SGCZ: variants seen among roughly 807,000 people sequenced by gnomAD.
The protein encoded by SGCZ is sarcoglycan zeta.
A neutral mutation model predicts 41.3 loss-of-function variants in SGCZ; 40 were observed. That is an observed-to-expected ratio of 0.97 (90% CI 0.75 to 1.26). SGCZ has a LOEUF of 1.26. Ranked by LOEUF, SGCZ falls within the 50% of genes most tolerant of loss-of-function variation. The pLI is 0.00. For missense variants in SGCZ, 552 were observed against 369.8 expected (o/e 1.49, Z -4.04); for synonymous variants, 206 against 137.5 (o/e 1.50, Z -3.49).
chr8:14,743,678 C>T (rs940163721), intron 1 of SGCZ, among the ~76,000 whole-genome samples: 11 of 151,906 alleles, frequency 7.2e-5, no homozygotes, highest in Non-Finnish European at 1.5e-4. Context: ...TTTGCTCTCC[C>T]CCGCCCGACA....
intron 2 of SGCZ, among the ~76,000 whole-genome samples, chr8:14,393,128 C>T (rs1804836204): frequency 1.3e-5 from 2 of 151,974 alleles, no homozygotes; most frequent in Non-Finnish European, 2.9e-5. Flanking sequence ...TTCTGAAGTC[C>T]AATATGCTTG....
At chr8:14,896,938 G>C (rs1563346889) in intron 1 of SGCZ, among the ~76,000 whole-genome samples, 1 of 151,632 alleles carries the variant, frequency 6.6e-6, no homozygotes, top group African/African-American at 2.4e-5. Context: ...AGCGCCACCA[G>C]GCCCAACTAA....
At chr8:14,948,998 A>G (rs998800178) in intron 1 of SGCZ, among the ~76,000 whole-genome samples, 3 of 151,924 alleles carry the variant, frequency 2.0e-5, no homozygotes, top group Admixed American at 2.0e-4. Flanking sequence ...TGGTAAGTAC[A>G]GGCATATCCA....
intron 1 of SGCZ, among the ~76,000 whole-genome samples, chr8:14,932,425 A>G (rs1799945911): frequency 6.6e-6 from 1 of 152,036 alleles, no homozygotes; most frequent in Admixed American, 6.5e-5. Flanking sequence ...AGGATGCAAT[A>G]AAACTAATTT....
At chr8:14,337,027 A>G (rs1029272340) in intron 2 of SGCZ, among the ~76,000 whole-genome samples, 1 of 152,078 alleles carries the variant, frequency 6.6e-6, no homozygotes. Flanking sequence ...GGAAGGACCT[A>G]TTTTCCCAAT....
At chr8:14,363,675 T>G (rs1158081449) in intron 2 of SGCZ, among the ~76,000 whole-genome samples, 1 of 152,186 alleles carries the variant, frequency 6.6e-6, no homozygotes, top group South Asian at 2.1e-4. Flanking sequence ...TTTTATTCAG[T>G]TAACAGTTAT....
At chr8:14,884,560 A>C (rs1388992725) in intron 1 of SGCZ, among the ~76,000 whole-genome samples, 2 of 152,096 alleles carry the variant, frequency 1.3e-5, no homozygotes, top group Admixed American at 6.5e-5. Context: ...AGTTTCCTAC[A>C]AAGGAGAAAT....
At chr8:15,046,081 C>T (rs1237974703) in intron 1 of SGCZ, among the ~76,000 whole-genome samples, 1 of 151,986 alleles carries the variant, frequency 6.6e-6, no homozygotes, top group Non-Finnish European at 1.5e-5. Flanking sequence ...TGAAGAATTT[C>T]TATTTTGGCT....
intron 1 of SGCZ, among the ~76,000 whole-genome samples, chr8:15,103,139 G>A (rs1032554969): frequency 3.0e-4 from 46 of 152,016 alleles, no homozygotes; most frequent in Admixed American, 1.4e-3. Context: ...AGTGGCTCAA[G>A]GCTGTAATCC....
intron 2 of SGCZ, among the ~76,000 whole-genome samples, chr8:14,520,703 T>A (rs1235860654): frequency 6.6e-6 from 1 of 152,096 alleles, no homozygotes; most frequent in African/African-American, 2.4e-5. Flanking sequence ...GTATGCATAA[T>A]ACACTTTAGA....
At chr8:14,272,831 T>G (rs2117267491) in intron 3 of SGCZ, among the ~76,000 whole-genome samples, 1 of 152,326 alleles carries the variant, frequency 6.6e-6, no homozygotes, top group East Asian at 1.9e-4. Context: ...ATTTTACATT[T>G]GAATTGTTAT....
intron 1 of SGCZ, among the ~76,000 whole-genome samples, chr8:14,915,307 A>C (rs186327181): frequency 6.6e-6 from 1 of 152,204 alleles, no homozygotes; most frequent in Non-Finnish European, 1.5e-5. Flanking sequence ...CTCTAGAAAT[A>C]AAACCTAGTC....
At chr8:14,137,920 C>T (rs1179985414) in intron 5 of SGCZ, among the ~76,000 whole-genome samples, 1 of 152,266 alleles carries the variant, frequency 6.6e-6, no homozygotes, top group South Asian at 2.1e-4. Flanking sequence ...ATATTAAGGG[C>T]AGCCAGAGAG....
intron 2 of SGCZ, among the ~76,000 whole-genome samples, chr8:14,534,875 A>G (rs572746955): frequency 6.6e-6 from 1 of 152,144 alleles, no homozygotes; most frequent in African/African-American, 2.4e-5. Flanking sequence ...CATCTGATGA[A>G]TAAGCATAAG....
chr8:14,665,988 C>T (rs1300742746), intron 1 of SGCZ, among the ~76,000 whole-genome samples: 1 of 152,218 alleles, frequency 6.6e-6, no homozygotes, highest in Non-Finnish European at 1.5e-5. Flanking sequence ...CATCCCACAT[C>T]CTGGGCAGCA....
At chr8:14,448,745 G>A (rs186220340) in intron 2 of SGCZ, among the ~76,000 whole-genome samples, 108 of 152,210 alleles carry the variant, frequency 7.1e-4, no homozygotes, top group Admixed American at 1.2e-3. Context: ...CATGATCGCC[G>A]TTGATGCAAA....
chr8:15,220,931 C>A (rs1801576826), intron 1 of SGCZ, among the ~76,000 whole-genome samples: 1 of 152,130 alleles, frequency 6.6e-6, no homozygotes, highest in Admixed American at 6.5e-5. Context: ...CCAAACACCA[C>A]ACGTTCTCAC....
chr8:14,102,541 C>CA (rs752475490), intron 6 of SGCZ, 42 bp from the exon 7 acceptor site: 201 of 1,319,840 alleles, frequency 1.5e-4, no homozygotes, highest in African/African-American at 1.0e-3. Context: ...AAAAAAAACA[C>CA]AAAAAAATCA....
chr8:15,095,970 G>A (rs188406593), intron 1 of SGCZ, among the ~76,000 whole-genome samples: 306 of 152,252 alleles, frequency 2.0e-3, no homozygotes, highest in Non-Finnish European at 1.7e-3. Flanking sequence ...CCCAGTTCAC[G>A]AAAATGAGCA....
Sources: gnomAD v4.1 joint callset for allele counts (sites outside exome capture counted in the v4.1 genomes callset) on GRCh38, gnomAD v4.1.1 for gene constraint, MANE v1.5 for transcripts, NCBI Gene and HGNC (gene_info 2026-07-23, HGNC 2026-07-21) for gene names.